Variants in ZBTB20 observed in about 807,000 individuals in gnomAD.
ZBTB20 encodes zinc finger and BTB domain containing 20.
Under a neutral mutation model 56.9 loss-of-function variants are expected in ZBTB20, and 9 were observed. The observed-to-expected ratio is 0.16, with a 90% CI of 0.10 to 0.28. The LOEUF is 0.28. Ranked by LOEUF, ZBTB20 falls within the 10% of genes least tolerant of loss-of-function variation. ZBTB20 has a pLI of 1.00. For missense variants in ZBTB20, 655 were observed against 1,003.0 expected (o/e 0.65, Z 4.69); for synonymous variants, 417 against 420.7 (o/e 0.99, Z 0.11).
intron 1 of ZBTB20, among the ~76,000 whole-genome samples, chr3:115,133,437 G>T (rs564330410): frequency 6.6e-6 from 1 of 152,142 alleles, no homozygotes; most frequent in South Asian, 2.1e-4. Flanking sequence ...ATATAATTCA[G>T]TGACATTCGC....
chr3:114,606,081 T>C (rs971807237), intron 6 of ZBTB20, among the ~76,000 whole-genome samples: 4 of 152,304 alleles, frequency 2.6e-5, no homozygotes, highest in South Asian at 2.1e-4. Flanking sequence ...TGCACATATA[T>C]GCCTATTTTA....
chr3:114,872,909 G>C (rs1039930080), intron 4 of ZBTB20, among the ~76,000 whole-genome samples: 2 of 152,098 alleles, frequency 1.3e-5, no homozygotes, highest in African/African-American at 4.8e-5. Flanking sequence ...AACTCTGTAT[G>C]ATTTCAAGGC....
rs146024491 is a variant in ZBTB20 at position 114,923,887 on chromosome 3, A to G, written c.-455-23545T>C. On this transcript the variant is annotated intron_variant, in intron 3 of 11. Transcript: ENST00000675478. ...ATGGCAAAAAAAAATAATAACAATAACTCAATTTAAAAATAGGAAAAAGGC... is the reference window on the plus strand; with the variant it reads ...ATGGCAAAAAAAAATAATAACAATAGCTCAATTTAAAAATAGGAAAAAGGC... Among the ~76,000 whole-genome samples the G allele has an allele frequency of 1.6e-4, 24 of 152,254 alleles. No individual in the cohort carries two copies. In the East Asian group the frequency reaches 4.6e-3, roughly 29 times the overall value.
intron 5 of ZBTB20, among the ~76,000 whole-genome samples, chr3:114,733,854 C>T (rs2065937486): frequency 6.6e-6 from 1 of 152,098 alleles, no homozygotes; most frequent in Non-Finnish European, 1.5e-5. Flanking sequence ...CATAGAGTAA[C>T]TAGATGGCCT....
Position 114,333,145 on chromosome 3 carries a change from A to G in ZBTB20, c.*5860T>C, listed in dbSNP as rs943300896. 14 of 152,228 alleles carry G rather than the reference A, an allele frequency of 9.2e-5. No individual in the cohort carries two copies. Among genetic ancestry groups the G allele is most frequent in the African/African-American group, 3.4e-4 (14 of 41,472 alleles). 9.4% of individuals were successfully genotyped at this position (152,228 alleles called of 1,614,324 possible). On this transcript the variant is annotated 3_prime_UTR_variant, in exon 12 of 12. Coordinates refer to ENST00000675478, the MANE Select transcript of ZBTB20 (RefSeq NM_001348800.3). ...GGTCAGGCTGATCGTCTTGATACTC[A>G]GTGCTAGAAATGATGCTTTGGATTA...
At chr3:114,418,725 G>A (rs951920593) in intron 7 of ZBTB20, among the ~76,000 whole-genome samples, 9 of 151,980 alleles carry the variant, frequency 5.9e-5, no homozygotes, top group African/African-American at 1.2e-4. Context: ...TAAAATATGC[G>A]TAGTCCGTCT....
intron 6 of ZBTB20, among the ~76,000 whole-genome samples, chr3:114,685,574 C>T (rs772566667): frequency 2.6e-5 from 4 of 152,198 alleles, no homozygotes; most frequent in South Asian, 2.1e-4. Flanking sequence ...ATGGATCCCA[C>T]TTGCTGTCTT....
At chr3:114,729,083 TAA>T (rs1432838331) in intron 5 of ZBTB20, among the ~76,000 whole-genome samples, 1 of 150,582 alleles carries the variant, frequency 6.6e-6, no homozygotes, top group African/African-American at 2.5e-5. Flanking sequence ...ATTAAAAAAA[TAA>T]AAAATAAAAA....
intron 7 of ZBTB20, among the ~76,000 whole-genome samples, chr3:114,391,917 T>C (rs1042010111): frequency 2.6e-5 from 4 of 152,222 alleles, no homozygotes; most frequent in Non-Finnish European, 5.9e-5. Flanking sequence ...AGATCATCAG[T>C]AATGACAAGA....
At chr3:114,864,032 T>C (rs2075655137) in intron 4 of ZBTB20, among the ~76,000 whole-genome samples, 1 of 151,932 alleles carries the variant, frequency 6.6e-6, no homozygotes, top group African/African-American at 2.4e-5. Context: ...AAGAAAAAAA[T>C]GTGATATTGA....
chr3:114,453,295 GAA>G (rs2091755972), intron 7 of ZBTB20, among the ~76,000 whole-genome samples: 1 of 152,158 alleles, frequency 6.6e-6, no homozygotes, highest in Non-Finnish European at 1.5e-5. Context: ...GAAGGGGCAA[GAA>G]ATCTCTCTGG....
At chr3:114,954,810 G>A (rs560706749) in intron 3 of ZBTB20, among the ~76,000 whole-genome samples, 1 of 152,266 alleles carries the variant, frequency 6.6e-6, no homozygotes, top group African/African-American at 2.4e-5. Context: ...AGTATCAGGG[G>A]AACATAAAAC....
chr3:115,115,384 G>A lies in ZBTB20; in HGVS notation c.-703+31835C>T, dbSNP rs189383200. On this transcript the variant is annotated intron_variant, in intron 1 of 11. Transcript: ENST00000675478. Reference sequence around the variant, plus strand: ...CTGTAGGGCAGTATTTTGCTGTTTAGCCACAATCTTCTCCAGTGATTATTT... The same window carrying A: ...CTGTAGGGCAGTATTTTGCTGTTTAACCACAATCTTCTCCAGTGATTATTT... Among the ~76,000 whole-genome samples the A allele has an allele frequency of 5.2e-3, 789 of 152,146 alleles. 1 individual carries two copies. The highest frequency in any genetic ancestry group is 8.2e-3 in the Non-Finnish European group (555 of 67,914).
At chr3:114,637,134 T>C (rs953651308) in intron 6 of ZBTB20, among the ~76,000 whole-genome samples, 7 of 152,128 alleles carry the variant, frequency 4.6e-5, no homozygotes, top group African/African-American at 1.7e-4. Flanking sequence ...TTCATTAAAA[T>C]GATATAATAA....
intron 6 of ZBTB20, among the ~76,000 whole-genome samples, chr3:114,531,784 G>A (rs1451063389): frequency 6.6e-6 from 1 of 152,168 alleles, no homozygotes; most frequent in Non-Finnish European, 1.5e-5. Context: ...TCCAACAGAG[G>A]TACCTGGCTC....
At chr3:114,629,927 G>A (rs2058850250) in intron 6 of ZBTB20, among the ~76,000 whole-genome samples, 1 of 152,104 alleles carries the variant, frequency 6.6e-6, no homozygotes. Flanking sequence ...GCCGAGGTGG[G>A]TCTTCAGCCT....
intron 1 of ZBTB20, among the ~76,000 whole-genome samples, chr3:115,097,781 T>C (rs2083434590): frequency 6.6e-6 from 1 of 152,216 alleles, no homozygotes; most frequent in Non-Finnish European, 1.5e-5. Flanking sequence ...ATAGCGCTCC[T>C]GTAACGCAAG....
intron 7 of ZBTB20, among the ~76,000 whole-genome samples, chr3:114,408,928 G>T (rs545080353): frequency 6.6e-6 from 1 of 151,994 alleles, no homozygotes; most frequent in Admixed American, 6.6e-5. Context: ...AGCAGCGCTC[G>T]TCCGCCGTCC....
At chr3:114,732,428 AGATTTAT>A (rs1292578274) in intron 5 of ZBTB20, among the ~76,000 whole-genome samples, 2 of 152,130 alleles carry the variant, frequency 1.3e-5, no homozygotes, top group African/African-American at 4.8e-5. Flanking sequence ...ACAACTGAGA[AGATTTAT>A]ACAAAGTGTT....
Sources: gnomAD v4.1 joint callset for allele counts (sites outside exome capture counted in the v4.1 genomes callset) on GRCh38, gnomAD v4.1.1 for gene constraint, MANE v1.5 for transcripts, NCBI Gene and HGNC (gene_info 2026-07-23, HGNC 2026-07-21) for gene names.